The following CALD1 variants were observed in gnomAD, a reference collection of about 807,000 sequenced individuals.
CALD1 encodes caldesmon.
In CALD1, 33 loss-of-function variants were observed where a neutral mutation model predicts 99.9. The observed-to-expected ratio is 0.33, with a 90% CI of 0.25 to 0.44. CALD1 has a LOEUF of 0.44. Among genes scored for constraint, CALD1 ranks in the 20% least tolerant of loss-of-function variants. CALD1 has a pLI of 1.00. For missense variants in CALD1, 861 were observed against 962.1 expected (o/e 0.89, Z 1.39); for synonymous variants, 310 against 325.0 (o/e 0.95, Z 0.50).
Position 134,748,412 on chromosome 7 carries a change from T to C in CALD1, c.-130+4049T>C, listed in dbSNP as rs1020540179. 5.3e-5 allele frequency among the ~76,000 whole-genome samples: 8 copies of C among 152,206 alleles called. 1 individual carries two copies. Among genetic ancestry groups the C allele is most frequent in the African/African-American group, 1.9e-4 (8 of 41,460 alleles). ...TGGGATGAAATGAATATATTTTGCA[T>C]GCAAGAAGGATATGAGGCTGGGCGC... On this transcript the variant is annotated intron_variant, in intron 1 of 13. Transcript: ENST00000417172.
chr7:134,916,143 T>C (rs1379460596), intron 3 of CALD1, among the ~76,000 whole-genome samples: 3 of 152,286 alleles, frequency 2.0e-5, no homozygotes, highest in Middle Eastern at 3.4e-3. Flanking sequence ...TGCTAGCACA[T>C]GGAGTGGGGG....
intron 1 of CALD1, among the ~76,000 whole-genome samples, chr7:134,766,233 C>A (rs571733680): frequency 1.4e-5 from 2 of 141,732 alleles, no homozygotes; most frequent in South Asian, 4.7e-4. Flanking sequence ...CTCACTGCAA[C>A]CTCTGCCTCC....
At chr7:134,865,834 C>T (rs1301456558) in intron 2 of CALD1, among the ~76,000 whole-genome samples, 2 of 152,122 alleles carry the variant, frequency 1.3e-5, no homozygotes, top group Admixed American at 6.5e-5. Flanking sequence ...GACAAACAGC[C>T]AGAATGACTA....
chr7:134,938,905 T>C (rs1334978176), intron 6 of CALD1, among the ~76,000 whole-genome samples: 1 of 152,178 alleles, frequency 6.6e-6, no homozygotes, highest in African/African-American at 2.4e-5. Context: ...TCAGATATAA[T>C]ACATTTGGGG....
At chr7:134,839,571 G>A (rs1452483969) in intron 1 of CALD1, among the ~76,000 whole-genome samples, 1 of 152,096 alleles carries the variant, frequency 6.6e-6, no homozygotes, top group Non-Finnish European at 1.5e-5. Flanking sequence ...TTTGATTTAT[G>A]TCTTTTAAAT....
At chr7:134,716,288 A>G in the CALD1 span, among the ~76,000 whole-genome samples, 1 of 152,196 alleles carries the variant, frequency 6.6e-6, no homozygotes, top group Admixed American at 6.5e-5. Context: ...GCAACTGGCT[A>G]CTATAAAAAT....
the CALD1 span, among the ~76,000 whole-genome samples, chr7:134,735,904 T>C: frequency 1.3e-5 from 2 of 152,116 alleles, no homozygotes; most frequent in Non-Finnish European, 2.9e-5. Context: ...CTTGGGGACA[T>C]TGAAGAGTAC....
chr7:134,739,185 T>C, the CALD1 span, among the ~76,000 whole-genome samples: 1 of 152,182 alleles, frequency 6.6e-6, no homozygotes, highest in East Asian at 1.9e-4. Flanking sequence ...AAGCAAAAAC[T>C]ATATGGAAGA....
At chr7:134,793,658 G>A (rs954681172) in intron 1 of CALD1, among the ~76,000 whole-genome samples, 17 of 152,074 alleles carry the variant, frequency 1.1e-4, no homozygotes, top group African/African-American at 2.9e-4. Context: ...ACTGGGACAC[G>A]TTGAAGAGGG....
At chr7:134,747,004 G>A (rs10243785) in intron 1 of CALD1, among the ~76,000 whole-genome samples, 2,627 of 148,052 alleles carry the variant, frequency 0.018, 82 homozygotes, top group African/African-American at 0.06. Flanking sequence ...TAATTAAAAG[G>A]AACGTAGAGC....
At chr7:134,815,295 C>A (rs574913603) in intron 1 of CALD1, among the ~76,000 whole-genome samples, 299 of 152,274 alleles carry the variant, frequency 2.0e-3, no homozygotes, top group Non-Finnish European at 3.6e-3. Context: ...GTCTGTGACA[C>A]AAAGAACAAG....
intron 13 of CALD1, chr7:134,961,316 A>C (rs1808246375): frequency 6.6e-6 from 1 of 152,256 alleles, no homozygotes; most frequent in Admixed American, 6.5e-5. Context: ...CATTATAATA[A>C]GAAAACGTAT....
the CALD1 span, among the ~76,000 whole-genome samples, chr7:134,720,016 C>A: frequency 6.6e-6 from 1 of 152,236 alleles, no homozygotes; most frequent in South Asian, 2.1e-4. Context: ...TCTTAACCCC[C>A]GCTTTGGTTA....
At position 134,933,647 on chromosome 7, in the gene CALD1, C is replaced by G. The variant is rs773202828; in HGVS notation, c.878C>G (p.Ala293Gly). 2.5e-6 allele frequency: 4 copies of G among 1,606,084 alleles called. No homozygotes were observed. Among genetic ancestry groups the G allele is most frequent in the Non-Finnish European group, 3.4e-6 (4 of 1,176,140 alleles). ...GACAAAAAGATAGCAGATGAACGAG[C>G]AAGAATTGAAGCAGAAGAAAAAGCA... is the stretch of plus-strand genomic sequence containing the variant. ...EQDKKIADER[A>G]RIEAEEKAAA... The change falls in exon 5 of 15, where the codon GCA becomes GGA. Residue 293 changes from alanine to glycine, a missense_variant. Transcript: ENST00000361675.
chr7:134,899,653 T>C (rs1335193324), intron 3 of CALD1, among the ~76,000 whole-genome samples: 1 of 152,010 alleles, frequency 6.6e-6, no homozygotes, highest in Non-Finnish European at 1.5e-5. Context: ...TTGTTTTTGT[T>C]TTTGTTTTGA....
chr7:134,817,213 A>T (rs1448100750), intron 1 of CALD1, among the ~76,000 whole-genome samples: 2 of 152,216 alleles, frequency 1.3e-5, no homozygotes, highest in African/African-American at 2.4e-5. Flanking sequence ...CTTATATTTA[A>T]CAAACAGAAT....
At chr7:134,809,031 G>T (rs1485883480) in intron 1 of CALD1, among the ~76,000 whole-genome samples, 1 of 152,204 alleles carries the variant, frequency 6.6e-6, no homozygotes, top group Non-Finnish European at 1.5e-5. Context: ...CCAGGGGAGA[G>T]ACTATCTCAT....
intron 2 of CALD1, among the ~76,000 whole-genome samples, chr7:134,845,360 C>T (rs1270061686): frequency 6.6e-6 from 1 of 152,128 alleles, no homozygotes; most frequent in Non-Finnish European, 1.5e-5. Flanking sequence ...AGACTGTCTC[C>T]AAATGATGAG....
rs140677420 is a variant in CALD1 at position 134,794,399 on chromosome 7, T to C, written c.-130+14650T>C. 4.0e-3 allele frequency among the ~76,000 whole-genome samples: 608 copies of C among 152,368 alleles called. 5 individuals are homozygous for C. The highest frequency in any genetic ancestry group is 0.014 in the African/African-American group (562 of 41,582). On this transcript the variant is annotated intron_variant, in intron 1 of 14. Transcript: ENST00000361675. ...AGTGACAGGTGAGCTAACTGTGCAT[T>C]GCCTTTGTTATGACTTCAGTAATCT...
Sources: gnomAD v4.1 joint callset for allele counts (sites outside exome capture counted in the v4.1 genomes callset) on GRCh38, gnomAD v4.1.1 for gene constraint, MANE v1.5 for transcripts, NCBI Gene and HGNC (gene_info 2026-07-23, HGNC 2026-07-21) for gene names.